PLAC8L1: variants seen among roughly 807,000 people sequenced by gnomAD.
PLAC8L1 encodes the protein PLAC8 like 1.
A neutral mutation model predicts 16.3 loss-of-function variants in PLAC8L1; 13 were observed. That is an observed-to-expected ratio of 0.80 (90% CI 0.52 to 1.27). The LOEUF is 1.27. PLAC8L1 is among the 50% of genes most tolerant of loss of function. The pLI, the probability that PLAC8L1 is intolerant of heterozygous loss-of-function variation, is 0.00. For synonymous variants in PLAC8L1, 78 were observed against 79.3 expected, an observed-to-expected ratio of 0.98 and a Z score of 0.09; for missense variants, 184 against 220.2, an observed-to-expected ratio of 0.84 and a Z score of 1.04.
rs1763889601 is a variant in PLAC8L1 at position 146,105,166 on chromosome 5, A to G, written c.-855T>C. On this transcript the variant is annotated 5_prime_UTR_variant, in exon 1 of 4. It removes an upstream start codon present in the reference 5' UTR. Coordinates refer to ENST00000311450, the MANE Select transcript of PLAC8L1 (RefSeq NM_001029869.3). ...ACGTTGAGGAAAGGGCTCTGCAATCATAATTTGACATTACATTAGAAAGAC... is the reference window on the plus strand; with the variant it reads ...ACGTTGAGGAAAGGGCTCTGCAATCGTAATTTGACATTACATTAGAAAGAC... 6.6e-6 allele frequency among the ~76,000 whole-genome samples: 1 copy of G among 152,222 alleles called. No homozygotes were observed. Among genetic ancestry groups the G allele is most frequent in the Non-Finnish European group, 1.5e-5 (1 of 68,042 alleles).
In PLAC8L1 at chr5:146,084,413, A is replaced by T; in HGVS notation, c.*19T>A. Reference sequence around the variant, plus strand: ...GAGAGGAGGGTGTTGGGGAGTAAGGAGGAGGAGTTATCTTGCTGTCAAACC... The same window carrying T: ...GAGAGGAGGGTGTTGGGGAGTAAGGTGGAGGAGTTATCTTGCTGTCAAACC... On this transcript the variant is annotated 3_prime_UTR_variant, in exon 4 of 4. Coordinates refer to ENST00000311450, the MANE Select transcript of PLAC8L1 (RefSeq NM_001029869.3). 6.2e-7 allele frequency: 1 copy of T among 1,612,924 alleles called. No individual in the cohort carries two copies. Among genetic ancestry groups the T allele is most frequent in the Non-Finnish European group, 8.5e-7 (1 of 1,179,204 alleles).
In PLAC8L1 at chr5:146,102,039, CCT is replaced by C. The variant is rs1491394118; in HGVS notation, c.119+2152_119+2153del. Reference sequence around the variant, plus strand: ...GAAAATGTTTTTTTTCTGTGTTTACCCTTTTTTTTTTTTTTTTGTCTTTTGTC... The same window carrying C: ...GAAAATGTTTTTTTTCTGTGTTTACCTTTTTTTTTTTTTTTGTCTTTTGTC... On this transcript the variant is annotated intron_variant, in intron 1 of 3. Coordinates refer to ENST00000311450, the MANE Select transcript of PLAC8L1 (RefSeq NM_001029869.3). Among the ~76,000 whole-genome samples the C allele has an allele frequency of 6.7e-4, 87 of 129,414 alleles. 1 individual carries two copies. Among genetic ancestry groups the C allele is most frequent in the Non-Finnish European group, 1.3e-3 (75 of 59,264 alleles). 84.9% of individuals were successfully genotyped at this position (129,414 alleles called of 152,430 possible).
intron 1 of PLAC8L1, among the ~76,000 whole-genome samples, chr5:146,100,587 A>T (rs1763797373): frequency 6.6e-6 from 1 of 152,232 alleles, no homozygotes; most frequent in East Asian, 1.9e-4. Context: ...ATTCCCAAAT[A>T]TGAATGGTTG....
intron 2 of PLAC8L1, among the ~76,000 whole-genome samples, chr5:146,096,110 G>T (rs1334104282): frequency 6.6e-6 from 1 of 152,108 alleles, no homozygotes; most frequent in East Asian, 1.9e-4. Context: ...CCTTTTGGGG[G>T]GTCCGAGGGA....
chr5:146,097,386 C>T (rs1487278259), intron 2 of PLAC8L1, among the ~76,000 whole-genome samples: 2 of 152,078 alleles, frequency 1.3e-5, no homozygotes, highest in Non-Finnish European at 2.9e-5. Flanking sequence ...GATAGGAGTA[C>T]TACATATTCT....
Position 146,105,260 on chromosome 5 carries a change from G to T in PLAC8L1, c.-949C>A, listed in dbSNP as rs761077905. Among the ~76,000 whole-genome samples, 59 of 152,210 alleles carry T rather than the reference G, an allele frequency of 3.9e-4. No individual in the cohort carries two copies. Among genetic ancestry groups the T allele is most frequent in the Non-Finnish European group, 6.5e-4 (44 of 67,998 alleles). On this transcript the variant is annotated 5_prime_UTR_variant, in exon 1 of 4. Transcript: ENST00000311450. ...GACCCATAGAGAATGGTTGCTTAGG[G>T]TTCTGAACTTCAAAGCATTTATTGA... is the stretch of plus-strand genomic sequence containing the variant.
chr5:146,096,817 A>C (rs867086840), intron 2 of PLAC8L1, among the ~76,000 whole-genome samples: 1 of 152,214 alleles, frequency 6.6e-6, no homozygotes, highest in Non-Finnish European at 1.5e-5. Flanking sequence ...AAGAGCAGAG[A>C]ATCAGGAAGA....
intron 3 of PLAC8L1, among the ~76,000 whole-genome samples, chr5:146,084,832 T>G (rs1763480814): frequency 6.6e-6 from 1 of 152,262 alleles, no homozygotes; most frequent in African/African-American, 2.4e-5. Flanking sequence ...TCTATCAACT[T>G]CTTGGTTCTT....
chr5:146,093,032 CAT>C (rs1251632754), intron 2 of PLAC8L1, among the ~76,000 whole-genome samples: 2 of 152,008 alleles, frequency 1.3e-5, no homozygotes, highest in African/African-American at 4.8e-5. Flanking sequence ...CACACACACA[CAT>C]ATAAGCAAAA....
intron 1 of PLAC8L1, among the ~76,000 whole-genome samples, chr5:146,102,467 G>A (rs1763837096): frequency 6.6e-6 from 1 of 152,156 alleles, no homozygotes; most frequent in Non-Finnish European, 1.5e-5. Context: ...CCATGTACCA[G>A]GATCTCAGTA....
chr5:146,088,220 C>T (rs1462980994), intron 2 of PLAC8L1, among the ~76,000 whole-genome samples: 2 of 152,142 alleles, frequency 1.3e-5, no homozygotes, highest in African/African-American at 4.8e-5. Context: ...TTTTGGCTTC[C>T]CAAAGTACTG....
chr5:146,086,237 G>C (rs549630955), intron 2 of PLAC8L1, among the ~76,000 whole-genome samples: 2 of 151,730 alleles, frequency 1.3e-5, no homozygotes, highest in Admixed American at 1.3e-4. Flanking sequence ...CACCGTTTTA[G>C]CCGGGATGGT....
intron 2 of PLAC8L1, among the ~76,000 whole-genome samples, chr5:146,087,229 C>T (rs1284204468): frequency 6.6e-6 from 1 of 152,146 alleles, no homozygotes; most frequent in Non-Finnish European, 1.5e-5. Context: ...GAGCCATATT[C>T]CATTGTATGA....
chr5:146,094,117 C>G (rs1763672608), intron 2 of PLAC8L1, among the ~76,000 whole-genome samples: 1 of 152,202 alleles, frequency 6.6e-6, no homozygotes, highest in Non-Finnish European at 1.5e-5. Flanking sequence ...CAGTTTCACT[C>G]TGTCGCCCAG....
intron 1 of PLAC8L1, among the ~76,000 whole-genome samples, chr5:146,098,496 A>G (rs562491743): frequency 6.6e-5 from 10 of 152,138 alleles, no homozygotes; most frequent in African/African-American, 2.4e-4. Context: ...CTATTAATGG[A>G]ATTATTGTTC....
intron 1 of PLAC8L1, among the ~76,000 whole-genome samples, chr5:146,099,681 A>T (rs1446930879): frequency 2.1e-5 from 3 of 146,260 alleles, no homozygotes; most frequent in African/African-American, 7.4e-5. Context: ...AAAAAAAAAA[A>T]AGTTGTTGCA....
intron 2 of PLAC8L1, among the ~76,000 whole-genome samples, chr5:146,086,999 C>T (rs1407879362): frequency 1.3e-5 from 2 of 152,204 alleles, no homozygotes; most frequent in Non-Finnish European, 2.9e-5. Flanking sequence ...ATTGCTCTCA[C>T]CCCAGAGCTC....
At chr5:146,100,264 C>T (rs1340888721) in intron 1 of PLAC8L1, among the ~76,000 whole-genome samples, 4 of 152,206 alleles carry the variant, frequency 2.6e-5, no homozygotes, top group African/African-American at 4.8e-5. Flanking sequence ...ACTTAACAAA[C>T]GGCTGGAAAT....
At position 146,102,016 on chromosome 5, in the gene PLAC8L1, A is replaced by C. The variant is rs561228174; in HGVS notation, c.119+2177T>G. ...ATAGCTTTTCCTTAATGGAAAAAGA[A>C]AATGTTTTTTTTCTGTGTTTACCCT... On this transcript the variant is annotated intron_variant, in intron 1 of 3. Transcript: ENST00000311450. Among the ~76,000 whole-genome samples the C allele has an allele frequency of 5.4e-4, 81 of 150,830 alleles. 1 individual carries two copies. The highest frequency in any genetic ancestry group is 1.9e-3 in the African/African-American group (78 of 41,450).
Sources: gnomAD v4.1 joint callset for allele counts (sites outside exome capture counted in the v4.1 genomes callset) on GRCh38, gnomAD v4.1.1 for gene constraint, MANE v1.5 for transcripts, NCBI Gene and HGNC (gene_info 2026-07-23, HGNC 2026-07-21) for gene names.